The following SLC9A9 variants were observed in gnomAD, a reference collection of about 807,000 sequenced individuals.
SLC9A9 encodes the protein sodium/hydrogen exchanger 9.
In SLC9A9, 62 loss-of-function variants were observed where a neutral mutation model predicts 77.8. The observed-to-expected ratio is 0.80, with a 90% CI of 0.65 to 0.98. The LOEUF (loss-of-function observed/expected upper bound fraction) is 0.98. Ranked by LOEUF, SLC9A9 falls within the 50% of genes least tolerant of loss-of-function variation. The pLI, the probability that SLC9A9 is intolerant of heterozygous loss-of-function variation, is 0.00. For synonymous variants in SLC9A9, 320 were observed against 283.5 expected, an observed-to-expected ratio of 1.13 and a Z score of -1.29; for missense variants, 775 against 774.9, an observed-to-expected ratio of 1.00 and a Z score of 0.00.
At chr3:143,568,650 T>G (rs988622152) in intron 8 of SLC9A9, among the ~76,000 whole-genome samples, 1 of 152,180 alleles carries the variant, frequency 6.6e-6, no homozygotes, top group Non-Finnish European at 1.5e-5. Context: ...GATCTGTTAT[T>G]CAGGTTTTGA....
At chr3:143,370,837 G>A (rs142554764) in intron 13 of SLC9A9, among the ~76,000 whole-genome samples, 1 of 152,196 alleles carries the variant, frequency 6.6e-6, no homozygotes, top group East Asian at 1.9e-4. Flanking sequence ...ATAAACATAT[G>A]ATAGGATTCA....
In SLC9A9 at chr3:143,266,824, CT is replaced by C. The variant is rs745427335; in HGVS notation, c.1815del (p.Gly606ValfsTer39). The C allele has an allele frequency of 6.2e-7, 1 of 1,614,128 alleles. No homozygotes were observed. The highest frequency in any genetic ancestry group is 1.1e-5 in the South Asian group (1 of 91,086). On this transcript the variant is annotated frameshift_variant, in exon 16 of 16. Transcript: ENST00000316549. LOFTEE classifies it high-confidence loss of function. ...ASSPCSPPARLGLDQKASPQT... is the reference protein window; with the variant it reads ...ASSPCSPPARXGLDQKASPQT... ...TGGGGTGAAGCTTTCTGGTCCAGAC[CT>C]AGCCTTGCAGGAGGACTGCAGGGTG... is the stretch of plus-strand genomic sequence containing the variant.
chr3:143,714,143 G>A (rs147692361), intron 4 of SLC9A9, among the ~76,000 whole-genome samples: 156 of 152,196 alleles, frequency 1.0e-3, no homozygotes, highest in African/African-American at 3.5e-3. Context: ...CCTCCGAATT[G>A]GGACACAACT....
intron 6 of SLC9A9, among the ~76,000 whole-genome samples, chr3:143,615,764 TCA>T (rs2038093180): frequency 6.6e-6 from 1 of 152,202 alleles, no homozygotes; most frequent in African/African-American, 2.4e-5. Context: ...ATGATTATCC[TCA>T]TTTTATAGAT....
chr3:143,795,159 T>G, intron 3 of SLC9A9, 82 bp from the exon 4 acceptor site: 3 of 1,314,950 alleles, frequency 2.3e-6, no homozygotes. Flanking sequence ...ATGTATGCAG[T>G]TCACAGACCC....
chr3:143,692,854 T>C (rs1933512553), intron 5 of SLC9A9, among the ~76,000 whole-genome samples: 2 of 152,164 alleles, frequency 1.3e-5, no homozygotes, highest in Non-Finnish European at 2.9e-5. Flanking sequence ...CATTACGTTT[T>C]AAGAAAGTTT....
chr3:143,567,322 G>C (rs140468282), intron 8 of SLC9A9, among the ~76,000 whole-genome samples: 1 of 152,146 alleles, frequency 6.6e-6, no homozygotes, highest in East Asian at 1.9e-4. Context: ...CACATGCCTC[G>C]GTGGCTGATT....
At chr3:143,315,363 G>GC (rs1462197024) in intron 14 of SLC9A9, among the ~76,000 whole-genome samples, 25 of 152,290 alleles carry the variant, frequency 1.6e-4, no homozygotes, top group African/African-American at 5.8e-4. Context: ...GGTGGTGAGG[G>GC]CTCTAACGGC....
In SLC9A9 at chr3:143,363,531, T is replaced by G. The variant is rs771266539; in HGVS notation, c.1557A>C (p.Lys519Asn). 110 of 1,612,968 alleles carry G rather than the reference T, an allele frequency of 6.8e-5. No homozygotes were observed. The East Asian group carries it at 2.3e-3, about 33-fold the overall frequency. The change falls in exon 14 of 16, where the codon AAA becomes AAC. Residue 519 changes from lysine to asparagine, a missense_variant. Lys to Asn is a moderately conservative substitution (Grantham distance 94). Transcript: ENST00000316549. ...EANNLDKNMT[K>N]AESARLFRMW... ...TTCTGAAGAGCCGAGCACTCTCTGC[T>G]TTCGTCATGTTTTTATCCAAGTTAT...
At chr3:143,826,700 C>CT (rs2009309185) in intron 2 of SLC9A9, among the ~76,000 whole-genome samples, 1 of 152,158 alleles carries the variant, frequency 6.6e-6, no homozygotes, top group Non-Finnish European at 1.5e-5. Flanking sequence ...ATTGGAAATG[C>CT]TTTTTCTTTC....
intron 13 of SLC9A9, among the ~76,000 whole-genome samples, chr3:143,368,128 G>T (rs2032958640): frequency 6.6e-6 from 1 of 152,108 alleles, no homozygotes; most frequent in Non-Finnish European, 1.5e-5. Context: ...TTAGAAATGG[G>T]CCATTTGATA....
intron 4 of SLC9A9, among the ~76,000 whole-genome samples, chr3:143,724,618 A>G (rs1288057831): frequency 6.6e-6 from 1 of 152,252 alleles, no homozygotes; most frequent in Non-Finnish European, 1.5e-5. Flanking sequence ...ACCAATTAAC[A>G]TATTTCTCAA....
intron 6 of SLC9A9, among the ~76,000 whole-genome samples, chr3:143,580,816 C>T (rs969477042): frequency 2.0e-5 from 3 of 152,140 alleles, no homozygotes; most frequent in Non-Finnish European, 4.4e-5. Flanking sequence ...CTTAATTATC[C>T]TTGACCTATG....
At chr3:143,357,105 C>A (rs922328534) in intron 14 of SLC9A9, among the ~76,000 whole-genome samples, 2 of 152,128 alleles carry the variant, frequency 1.3e-5, no homozygotes, top group African/African-American at 4.8e-5. Context: ...TAGGGAGAGC[C>A]TTTAGGAAGC....
intron 12 of SLC9A9, among the ~76,000 whole-genome samples, chr3:143,448,866 T>A (rs183371546): frequency 7.7e-4 from 20 of 26,020 alleles, no homozygotes; most frequent in Admixed American, 1.7e-3. Context: ...ATATAATATA[T>A]TATATAATAT....
At chr3:143,846,671 T>G (rs975441909) in intron 1 of SLC9A9, among the ~76,000 whole-genome samples, 6 of 151,876 alleles carry the variant, frequency 4.0e-5, no homozygotes, top group African/African-American at 1.5e-4. Context: ...CTGGGCAACA[T>G]AGTGAGACCC....
At chr3:143,597,107 G>T (rs1286555523) in intron 6 of SLC9A9, among the ~76,000 whole-genome samples, 2 of 152,224 alleles carry the variant, frequency 1.3e-5, no homozygotes, top group Non-Finnish European at 2.9e-5. Flanking sequence ...ATGTGCTTTG[G>T]TTAAGGAAAA....
chr3:143,520,238 G>A (rs1007759441), intron 9 of SLC9A9, among the ~76,000 whole-genome samples: 1 of 152,148 alleles, frequency 6.6e-6, no homozygotes. Flanking sequence ...CTACTGTGAT[G>A]GTATTCATTT....
At chr3:143,722,616 T>C (rs1934534415) in intron 4 of SLC9A9, among the ~76,000 whole-genome samples, 1 of 152,008 alleles carries the variant, frequency 6.6e-6, no homozygotes, top group African/African-American at 2.4e-5. Context: ...CCTTTCTACC[T>C]AGTCAAAAAT....
Sources: gnomAD v4.1 joint callset for allele counts (sites outside exome capture counted in the v4.1 genomes callset) on GRCh38, gnomAD v4.1.1 for gene constraint, MANE v1.5 for transcripts, NCBI Gene and HGNC (gene_info 2026-07-23, HGNC 2026-07-21) for gene names.